Variants in ANK3 observed in about 807,000 individuals in gnomAD.
ANK3 encodes the protein ankyrin 3.
ANK3 carries 57 observed loss-of-function variants against 370.9 expected under a neutral mutation model. That is an observed-to-expected ratio of 0.15 (90% confidence interval 0.12 to 0.19). ANK3 has a LOEUF of 0.19. Ranked by LOEUF, ANK3 falls within the 10% of genes least tolerant of loss-of-function variation. ANK3 has a pLI of 1.00. For synonymous variants in ANK3, 1,929 were observed against 1,946.3 expected, an observed-to-expected ratio of 0.99 and a Z score of 0.23; for missense variants, 4,439 against 5,302.1, an observed-to-expected ratio of 0.84 and a Z score of 5.06.
chr10:60,636,979 C>T lies in ANK3; in HGVS notation c.58-21755G>A, dbSNP rs74155636. ...CAAGACCATGCAGAACCCTTCATAC[C>T]TGTTTCTTACTTTCAAATTCTCCTT... is the stretch of plus-strand genomic sequence containing the variant. On this transcript the variant is annotated intron_variant, in intron 1 of 43. Coordinates refer to the ANK3 transcript ENST00000373827. Among the ~76,000 whole-genome samples the T allele has an allele frequency of 8.8e-3, 1,346 of 152,262 alleles. 15 individuals are homozygous for T. The highest frequency in any genetic ancestry group is 0.031 in the African/African-American group (1,280 of 41,550).
At chr10:60,223,073 G>T (rs1460330974) in intron 8 of ANK3, among the ~76,000 whole-genome samples, 2 of 152,056 alleles carry the variant, frequency 1.3e-5, no homozygotes, top group South Asian at 2.1e-4. Context: ...TAGACTTTTG[G>T]CTTTCCATAT....
intron 1 of ANK3, among the ~76,000 whole-genome samples, chr10:60,315,394 T>C (rs2047194519): frequency 6.6e-6 from 1 of 152,150 alleles, no homozygotes; most frequent in Non-Finnish European, 1.5e-5. Flanking sequence ...AGATCACTGG[T>C]TAAATCCAGT....
Position 60,082,161 on chromosome 10 carries a change from G to A in ANK3, c.4339C>T (p.Gln1447Ter), listed in dbSNP as rs779660118. The A allele has an allele frequency of 6.2e-7, 1 of 1,610,094 alleles. No individual in the cohort carries two copies. The highest frequency in any genetic ancestry group is 1.1e-5 in the South Asian group (1 of 90,788). Reference sequence around the variant, plus strand: ...AGTGTTTATATTACCTCATCATCTTGATCTGACTCTGTCTCCTTTTGGTTC... The same window carrying A: ...AGTGTTTATATTACCTCATCATCTTAATCTGACTCTGTCTCCTTTTGGTTC... The part of the protein sequence containing the change: ...PAHKKETESD[Q>*]DDEIEKTDRR... The change falls in exon 35 of 44, where the codon CAA becomes TAA. Residue 1447 changes from glutamine to a stop codon, truncating the protein, a stop_gained. Transcript: ENST00000280772. LOFTEE classifies it high-confidence loss of function.
intron 23 of ANK3, among the ~76,000 whole-genome samples, chr10:60,163,696 T>C (rs996158905): frequency 6.6e-6 from 1 of 152,206 alleles, no homozygotes; most frequent in African/African-American, 2.4e-5. Flanking sequence ...TTTTGCTTTT[T>C]AATTTTTTAT....
intron 2 of ANK3, among the ~76,000 whole-genome samples, chr10:60,530,466 A>AAAC (rs201708664): frequency 1.3e-5 from 2 of 151,378 alleles, no homozygotes; most frequent in African/African-American, 4.9e-5. Flanking sequence ...AAAAAAAAAA[A>AAAC]CCCTATGATA....
intron 16 of ANK3, among the ~76,000 whole-genome samples, chr10:60,187,474 A>C (rs2096374812): frequency 2.0e-5 from 3 of 152,152 alleles, no homozygotes; most frequent in Admixed American, 2.0e-4. Flanking sequence ...CATTTTAATC[A>C]AAAAGAGTTA....
At chr10:60,534,983 C>A (rs1451987226) in intron 2 of ANK3, among the ~76,000 whole-genome samples, 1 of 152,136 alleles carries the variant, frequency 6.6e-6, no homozygotes, top group Non-Finnish European at 1.5e-5. Context: ...ATCCTTAAAA[C>A]CAAACCTAAT....
chr10:60,565,537 ATGT>A (rs1213204547), intron 2 of ANK3, among the ~76,000 whole-genome samples: 15 of 152,180 alleles, frequency 9.9e-5, no homozygotes, highest in Non-Finnish European at 5.9e-5. Context: ...GTCGAAAATG[ATGT>A]TGTTAACTAA....
chr10:60,393,659 C>T (rs1372073244), upstream of ANK3, among the ~76,000 whole-genome samples: 2 of 152,114 alleles, frequency 1.3e-5, no homozygotes, highest in Non-Finnish European at 2.9e-5. Flanking sequence ...TCACATACAC[C>T]TTTCCAGGAT....
At chr10:60,403,309 A>C (rs1262377270) in intron 2 of ANK3, among the ~76,000 whole-genome samples, 1 of 152,218 alleles carries the variant, frequency 6.6e-6, no homozygotes, top group African/African-American at 2.4e-5. Flanking sequence ...CTGTTTCAGA[A>C]AACAAAGCAA....
At chr10:60,505,126 C>T (rs2075902691) in intron 2 of ANK3, among the ~76,000 whole-genome samples, 1 of 152,042 alleles carries the variant, frequency 6.6e-6, no homozygotes, top group Non-Finnish European at 1.5e-5. Context: ...AGCAATATGG[C>T]AAAGTGTTGA....
intron 1 of ANK3, among the ~76,000 whole-genome samples, chr10:60,343,042 G>A (rs1335152709): frequency 2.0e-5 from 3 of 152,136 alleles, no homozygotes; most frequent in Non-Finnish European, 4.4e-5. Flanking sequence ...GTGTAAGGCT[G>A]CAGACCAAAC....
intron 23 of ANK3, chr10:60,141,000 C>T (rs546350931): frequency 2.0e-6 from 2 of 985,492 alleles, no homozygotes; most frequent in Middle Eastern, 5.2e-4. Flanking sequence ...GGCAAACTTT[C>T]AACTTTGTTC....
chr10:60,584,599 AG>A (rs1248896083), intron 2 of ANK3, among the ~76,000 whole-genome samples: 1 of 152,202 alleles, frequency 6.6e-6, no homozygotes, highest in Non-Finnish European at 1.5e-5. Context: ...CCTGGGCAAT[AG>A]AGCAAGACCC....
In ANK3 at chr10:60,213,333, C is replaced by G. The variant is rs528468585; in HGVS notation, c.996+79G>C. On this transcript the variant is annotated intron_variant, in intron 9 of 43. Coordinates refer to ENST00000280772, the MANE Select transcript of ANK3 (RefSeq NM_020987.5). ...ACTGCTACATTGAAAATGTCATTTT[C>G]TATGTGATTCAAAAGGCTAGATCAT... 4 of 944,928 alleles carry G rather than the reference C, an allele frequency of 4.2e-6. No homozygotes were observed. The East Asian group carries it at 1.0e-4, about 24-fold the overall frequency. 58.5% of individuals were successfully genotyped at this position (944,928 alleles called of 1,614,324 possible). A position where few individuals can be genotyped will look rare whatever the true frequency, so the allele number is the denominator to read the frequency against.
chr10:60,173,043 C>A, intron 19 of ANK3, 45 bp from the exon 20 acceptor site: 6 of 1,609,444 alleles, frequency 3.7e-6, no homozygotes, highest in African/African-American at 1.3e-5. Flanking sequence ...TCCTTTGAAG[C>A]AAAAATAAAT....
In ANK3 at chr10:60,047,266, CTCTG is replaced by C. The variant is rs1589219886; in HGVS notation, c.13066-4511_13066-4508del. On this transcript the variant is annotated intron_variant, in intron 42 of 43. Transcript: ENST00000280772. ...AGCACATGTGGTGTTACATTTTCAC[CTCTG>C]GTGACGGTATTAATGAAAATTAACT... 2.6e-5 allele frequency among the ~76,000 whole-genome samples: 4 copies of C among 152,264 alleles called. No individual in the cohort carries two copies. The East Asian group carries it at 5.8e-4, about 22-fold the overall frequency.
At chr10:60,036,118 C>G (rs139365287) in intron 43 of ANK3, among the ~76,000 whole-genome samples, 1 of 152,026 alleles carries the variant, frequency 6.6e-6, no homozygotes. Context: ...AATAAGGATA[C>G]CTGTTGTACT....
chr10:60,663,712 A>G (rs996697236), intron 1 of ANK3, among the ~76,000 whole-genome samples: 12 of 152,178 alleles, frequency 7.9e-5, no homozygotes, highest in Non-Finnish European at 1.8e-4. Context: ...CTGTAAAAGT[A>G]CCATTTAAAG....
Sources: gnomAD v4.1 joint callset for allele counts (sites outside exome capture counted in the v4.1 genomes callset) on GRCh38, gnomAD v4.1.1 for gene constraint, MANE v1.5 for transcripts, NCBI Gene and HGNC (gene_info 2026-07-23, HGNC 2026-07-21) for gene names.